The following EHD2 variants were observed in gnomAD, a reference collection of about 807,000 sequenced individuals.
EHD2 encodes the protein EH domain-containing protein 2.
EHD2 carries 27 observed loss-of-function variants against 41.0 expected under a neutral mutation model. That is an observed-to-expected ratio of 0.66 (90% CI 0.49 to 0.91). EHD2 has a LOEUF of 0.91. Among genes scored for constraint, EHD2 ranks in the 40% least tolerant of loss-of-function variants. EHD2 has a pLI of 0.00. For synonymous variants in EHD2, 342 were observed against 341.0 expected (o/e 1.00, Z -0.03); for missense variants, 673 against 773.9 (o/e 0.87, Z 1.55).
intron 3 of EHD2, among the ~76,000 whole-genome samples, chr19:47,723,436 C>T (rs1010369974): frequency 3.3e-5 from 5 of 151,882 alleles, no homozygotes; most frequent in African/African-American, 4.8e-5. Context: ...CTGAGGTGGG[C>T]GGATAATGAG....
At chr19:47,738,864 G>C (rs1160345297) in intron 5 of EHD2, among the ~76,000 whole-genome samples, 3 of 152,150 alleles carry the variant, frequency 2.0e-5, no homozygotes, top group Admixed American at 2.0e-4. Context: ...CTGTCCTGGT[G>C]CAGTCTGGGC....
rs549491941 is a variant in EHD2 at position 47,740,218 on chromosome 19, C to T, written c.1081-663C>T. 3.8e-4 allele frequency among the ~76,000 whole-genome samples: 58 copies of T among 150,956 alleles called. 1 individual carries two copies. Among genetic ancestry groups the T allele is most frequent in the African/African-American group, 1.4e-3 (56 of 41,176 alleles). On this transcript the variant is annotated intron_variant, in intron 5 of 5. Transcript: ENST00000263277. Reference sequence around the variant, plus strand: ...TGGTCTCTACAAAAAATTTTTAAAACTAGTTGGGCGTAGTGGCGCACACCT... The same window carrying T: ...TGGTCTCTACAAAAAATTTTTAAAATTAGTTGGGCGTAGTGGCGCACACCT...
Position 47,726,214 on chromosome 19 carries a change from G to T in EHD2, c.905G>T (p.Arg302Leu), listed in dbSNP as rs753293483. 9.2e-6 allele frequency: 14 copies of T among 1,515,854 alleles called. No homozygotes were observed. The highest frequency in any genetic ancestry group is 1.2e-5 in the Non-Finnish European group (14 of 1,130,872). 93.9% of individuals were successfully genotyped at this position (1,515,854 alleles called of 1,614,324 possible). A position where few individuals can be genotyped will look rare whatever the true frequency, so the allele number is the denominator to read the frequency against. The change falls in exon 4 of 6, where the codon CGG becomes CTG. Residue 302 changes from arginine (R) to leucine (L), a missense_variant. Arg to Leu is a moderately radical substitution (Grantham distance 102). Coordinates refer to ENST00000263277, the MANE Select transcript of EHD2 (RefSeq NM_014601.4). ...CTCAACGACCTGGTGAAGAGGGCCCGGCTGGTGCGAGTGAGTAGTCCTGAG... is the reference window on the plus strand; with the variant it reads ...CTCAACGACCTGGTGAAGAGGGCCCTGCTGGTGCGAGTGAGTAGTCCTGAG... ...RKLNDLVKRARLVRVHAYIIS... is the reference protein window; with the variant it reads ...RKLNDLVKRALLVRVHAYIIS...
At chr19:47,718,419 A>T (rs912629665) in intron 2 of EHD2, 90 bp from the exon 3 acceptor site, 14 of 1,136,574 alleles carry the variant, frequency 1.2e-5, no homozygotes, top group Non-Finnish European at 1.8e-5. Context: ...ATGCTTTGCC[A>T]TGCGGTCCCG....
intron 3 of EHD2, among the ~76,000 whole-genome samples, chr19:47,718,913 T>C (rs1289668100): frequency 1.0e-5 from 1 of 97,006 alleles, no homozygotes; most frequent in African/African-American, 4.0e-5. Flanking sequence ...CCTGGACTCC[T>C]GGGTCTGAGG....
Position 47,719,330 on chromosome 19 carries a change from C to T in EHD2, c.502+724C>T, listed in dbSNP as rs988583681. Among the ~76,000 whole-genome samples, 4 of 151,870 alleles carry T rather than the reference C, an allele frequency of 2.6e-5. No individual in the cohort carries two copies. The highest frequency in any genetic ancestry group is 5.9e-5 in the Non-Finnish European group (4 of 67,960). ...TGGGCCCTGCGAGCTCCTGGCTCTGCGTCTGGGCCACAGATGGGGCCGAGA... is the reference window on the plus strand; with the variant it reads ...TGGGCCCTGCGAGCTCCTGGCTCTGTGTCTGGGCCACAGATGGGGCCGAGA... On this transcript the variant is annotated intron_variant, in intron 3 of 5. Transcript: ENST00000263277. The surrounding 1 kb of genome is among the most constrained non-coding windows in gnomAD (Gnocchi z 4.1).
At chr19:47,722,828 A>G (rs1434072180) in intron 3 of EHD2, among the ~76,000 whole-genome samples, 4 of 151,934 alleles carry the variant, frequency 2.6e-5, no homozygotes, top group African/African-American at 9.7e-5. Context: ...TCAGCCTCCC[A>G]AAGTGCTGGG....
In EHD2 at chr19:47,731,270, AAAAAAAAAAAT is replaced by A. The variant is rs1469187269; in HGVS notation, c.915+5048_915+5058del. The A allele has an allele frequency of 2.6e-4, 10 of 38,666 alleles. 1 individual carries two copies. The highest frequency in any genetic ancestry group is 7.8e-4 in the Admixed American group (3 of 3,824). 2.4% of individuals were successfully genotyped at this position (38,666 alleles called of 1,614,324 possible). A position where few individuals can be genotyped will look rare whatever the true frequency, so the allele number is the denominator to read the frequency against. ...GCAGTCTAAATTTGTGATTCTTTAAAAAAAAAAAAATATATATATATATATATATATACATA... is the reference window on the plus strand; with the variant it reads ...GCAGTCTAAATTTGTGATTCTTTAAAATATATATATATATATATATACATA... On this transcript the variant is annotated intron_variant, in intron 4 of 5. Coordinates refer to ENST00000263277, the MANE Select transcript of EHD2 (RefSeq NM_014601.4).
intron 1 of EHD2, among the ~76,000 whole-genome samples, 164 bp downstream of exon 1, chr19:47,713,702 CCCCACTCTT>C (rs895790937): frequency 6.7e-6 from 1 of 149,842 alleles, no homozygotes; most frequent in African/African-American, 2.5e-5. Context: ...TAACCATGTC[CCCCACTCTT>C]CCCACTCCTC....
Position 47,741,696 on chromosome 19 carries a change from T to G in EHD2, c.*264T>G. ...ACACACACACTGGCACACGCAGGCA[T>G]CCATCCATCCGTCATTCATTCAAAT... On this transcript the variant is annotated 3_prime_UTR_variant, in exon 6 of 6. Coordinates refer to ENST00000263277, the MANE Select transcript of EHD2 (RefSeq NM_014601.4). The surrounding 1 kb of genome is among the most constrained non-coding windows in gnomAD (Gnocchi z 4.5). The G allele has an allele frequency of 6.3e-6, 4 of 631,646 alleles. No homozygotes were observed. The highest frequency in any genetic ancestry group is 1.1e-5 in the Non-Finnish European group (4 of 351,630). 39.1% of individuals were successfully genotyped at this position (631,646 alleles called of 1,614,324 possible). A position where few individuals can be genotyped will look rare whatever the true frequency, so the allele number is the denominator to read the frequency against.
rs143310413 is a variant in EHD2 at position 47,741,342 on chromosome 19, G to A, written c.1542G>A (p.Glu514=). Residue 514 remains glutamate, a synonymous_variant, in exon 6 of 6, where the codon GAG becomes GAA. Coordinates refer to ENST00000263277, the MANE Select transcript of EHD2 (RefSeq NM_014601.4). This position sits in a 1 kb window ranked among gnomAD's most constrained non-coding sequence, Gnocchi z 4.5. ...TCGCGCTGGCCAGCCACCTCATCGA[G>A]GCCAAGCTGGAAGGCCACGGGCTGC... is the stretch of plus-strand genomic sequence containing the variant. ...EEFALASHLI[E]AKLEGHGLPA... The A allele has an allele frequency of 3.4e-4, 541 of 1,611,976 alleles. 2 individuals are homozygous for A. The African/African-American group carries it at 6.4e-3, about 19-fold the overall frequency.
In EHD2 at chr19:47,716,822, C is replaced by T. The variant is rs776021238; in HGVS notation, c.210C>T (p.Gly70=). 6.2e-7 allele frequency: 1 copy of T among 1,609,656 alleles called. No homozygotes were observed. ...MVLVAGQYST[G]KTSFIQYLLE... ...TGGTGGCCGGCCAGTACAGCACGGG[C>T]AAGACCAGCTTCATCCAGTACCTGC... is the stretch of plus-strand genomic sequence containing the variant. Residue 70 remains glycine, a synonymous_variant, in exon 2 of 6, where the codon GGC becomes GGT. Transcript: ENST00000263277.
chr19:47,729,315 T>C (rs1239450848), intron 4 of EHD2, among the ~76,000 whole-genome samples: 1 of 152,048 alleles, frequency 6.6e-6, no homozygotes, highest in Non-Finnish European at 1.5e-5. Flanking sequence ...TCAGAGGTGG[T>C]GTGGGCTGTG....
At position 47,741,337 on chromosome 19, in the gene EHD2, A is replaced by C. The variant is rs1466537755; in HGVS notation, c.1537A>C (p.Ile513Leu). 1.2e-6 allele frequency: 2 copies of C among 1,612,198 alleles called. No homozygotes were observed. Among genetic ancestry groups the C allele is most frequent in the Non-Finnish European group, 1.7e-6 (2 of 1,179,828 alleles). Residue 513 changes from isoleucine (I) to leucine (L), a missense_variant, in exon 6 of 6, where the codon ATC (isoleucine) becomes CTC (leucine). Coordinates refer to ENST00000263277, the MANE Select transcript of EHD2 (RefSeq NM_014601.4). The surrounding 1 kb of genome is among the most constrained non-coding windows in gnomAD (Gnocchi z 4.5). ...DEEFALASHL[I>L]EAKLEGHGLP... ...GGAGTTCGCGCTGGCCAGCCACCTC[A>C]TCGAGGCCAAGCTGGAAGGCCACGG...
Position 47,725,798 on chromosome 19 carries a change from C to A in EHD2, c.503-14C>A. On this transcript the variant is annotated splice_polypyrimidine_tract_variant and intron_variant, in intron 3 of 5. Transcript: ENST00000263277. ...TCTGCCCCTTGCGCCCCTGTCTCTC[C>A]ACTCCCACTCCAGGCTACGACTTCC... is the stretch of plus-strand genomic sequence containing the variant. 6.4e-7 allele frequency: 1 copy of A among 1,564,618 alleles called. No individual in the cohort carries two copies. Among genetic ancestry groups the A allele is most frequent in the South Asian group, 1.2e-5 (1 of 84,446 alleles).
chr19:47,741,833 A>G lies in EHD2; in HGVS notation c.*401A>G. ...TCATGGAAGGTGACGTTCCCAGGAG[A>G]GGGCACCTACACAGTCACGCAAACA... On this transcript the variant is annotated 3_prime_UTR_variant, in exon 6 of 6. Transcript: ENST00000263277. This position sits in a 1 kb window ranked among gnomAD's most constrained non-coding sequence, Gnocchi z 4.5. 4.2e-6 allele frequency: 2 copies of G among 471,768 alleles called. No homozygotes were observed. Among genetic ancestry groups the G allele is most frequent in the Non-Finnish European group, 4.2e-6 (1 of 237,646 alleles). 29.2% of individuals were successfully genotyped at this position (471,768 alleles called of 1,614,324 possible).
chr19:47,717,450 C>T (rs1973641215), intron 2 of EHD2, among the ~76,000 whole-genome samples: 1 of 152,240 alleles, frequency 6.6e-6, no homozygotes, highest in African/African-American at 2.4e-5. Flanking sequence ...ATTCCCTTCT[C>T]TCTACCCAGT....
Position 47,738,503 on chromosome 19 carries a change from T to C in EHD2, c.1080+1970T>C, listed in dbSNP as rs546702091. ...TTTTGGTAGAGATGGGGTTTCACCATGTTGTCCAGGCTGGTCTCAAACTCC... is the reference window on the plus strand; with the variant it reads ...TTTTGGTAGAGATGGGGTTTCACCACGTTGTCCAGGCTGGTCTCAAACTCC... On this transcript the variant is annotated intron_variant, in intron 5 of 5. Coordinates refer to ENST00000263277, the MANE Select transcript of EHD2 (RefSeq NM_014601.4). Among the ~76,000 whole-genome samples, 10 of 152,222 alleles carry C rather than the reference T, an allele frequency of 6.6e-5. No individual in the cohort carries two copies. The South Asian group carries it at 8.3e-4, about 13-fold the overall frequency.
At position 47,726,029 on chromosome 19, in the gene EHD2, G is replaced by A; in HGVS notation, c.720G>A (p.Leu240=). The A allele has an allele frequency of 6.3e-7, 1 of 1,597,974 alleles. No individual in the cohort carries two copies. Among genetic ancestry groups the A allele is most frequent in the East Asian group, 2.3e-5 (1 of 43,994 alleles). The change falls in exon 4 of 6, where the codon CTG becomes CTA. Residue 240 remains leucine, a synonymous_variant. Coordinates refer to ENST00000263277, the MANE Select transcript of EHD2 (RefSeq NM_014601.4). ...TCTACGGCGCGCTCATGTGGGCGCT[G>A]GGCAAGGTGGTGGGCACGCCCGAGG... ...MRVYGALMWA[L]GKVVGTPEVL... is the part of the protein sequence containing the mutation.
Sources: allele counts gnomAD v4.1 joint callset (sites outside exome capture counted in the v4.1 genomes callset), GRCh38; gene constraint gnomAD v4.1.1; non-coding constraint Gnocchi (gnomAD v3.1); transcripts MANE v1.5; gene names NCBI Gene and HGNC (gene_info 2026-07-23, HGNC 2026-07-21).